PMFBP1: variants seen among roughly 807,000 people sequenced by gnomAD.
PMFBP1 encodes the protein polyamine-modulated factor 1-binding protein 1.
In PMFBP1, 131 loss-of-function variants were observed where a neutral mutation model predicts 137.8. The observed-to-expected ratio is 0.95, with a 90% confidence interval of 0.82 to 1.10. The LOEUF (loss-of-function observed/expected upper bound fraction) is 1.10, where lower values mean the gene tolerates loss of function less well. Among genes scored for constraint, PMFBP1 ranks in the 50% least tolerant of loss-of-function variants. The pLI is 0.00. For missense variants in PMFBP1, 1,199 were observed against 1,175.4 expected, an observed-to-expected ratio of 1.02 and a Z score of -0.29; for synonymous variants, 490 against 450.4, an observed-to-expected ratio of 1.09 and a Z score of -1.11.
chr16:72,196,530 C>T, the PMFBP1 span, among the ~76,000 whole-genome samples: 6 of 152,252 alleles, frequency 3.9e-5, no homozygotes, highest in Admixed American at 2.0e-4. Context: ...TCTAACCCTA[C>T]CATTTCACTC....
chr16:72,241,293 A>T, the PMFBP1 span, among the ~76,000 whole-genome samples: 24 of 152,330 alleles, frequency 1.6e-4, no homozygotes, highest in Admixed American at 3.3e-4. Flanking sequence ...CCCAGCTGTA[A>T]TGAGGATAGC....
chr16:72,172,520 C>A (rs550473195), upstream of PMFBP1: 5 of 150,132 alleles, frequency 3.3e-5, no homozygotes, highest in South Asian at 1.1e-3. Context: ...GTTCTTAAAG[C>A]GGAAGTGAAA....
chr16:72,188,402 A>G, the PMFBP1 span, among the ~76,000 whole-genome samples: 1 of 152,142 alleles, frequency 6.6e-6, no homozygotes, highest in Non-Finnish European at 1.5e-5. Context: ...GTGCTCCCTA[A>G]CCCTCTCCCT....
At chr16:72,156,364 A>G (rs949882628) in intron 3 of PMFBP1, among the ~76,000 whole-genome samples, 9 of 151,036 alleles carry the variant, frequency 6.0e-5, no homozygotes, top group African/African-American at 2.2e-4. Flanking sequence ...CACGCCTGTA[A>G]TCCCAGGACT....
chr16:72,213,602 C>T, the PMFBP1 span, among the ~76,000 whole-genome samples: 8 of 152,308 alleles, frequency 5.3e-5, no homozygotes, highest in Admixed American at 1.3e-4. Flanking sequence ...ACACCTTAAT[C>T]GCATCCTTGT....
At chr16:72,121,152 T>C (rs763748504) in intron 19 of PMFBP1, among the ~76,000 whole-genome samples, 21 of 152,122 alleles carry the variant, frequency 1.4e-4, no homozygotes, top group Non-Finnish European at 2.9e-4. Context: ...TAGTAAAAAG[T>C]TTCGTGGTCT....
intron 14 of PMFBP1, among the ~76,000 whole-genome samples, chr16:72,126,861 T>A (rs2042467621): frequency 6.6e-6 from 1 of 152,224 alleles, no homozygotes; most frequent in South Asian, 2.1e-4. Context: ...ATTTACTTAT[T>A]TCTCTAGCCT....
the PMFBP1 span, among the ~76,000 whole-genome samples, chr16:72,195,608 G>A: frequency 6.6e-6 from 1 of 152,194 alleles, no homozygotes; most frequent in Non-Finnish European, 1.5e-5. Context: ...TACATTCCAA[G>A]CTAAGTGAAA....
rs1567629267 is a variant in PMFBP1 at position 72,140,527 on chromosome 16, A to G, written c.692T>C (p.Met231Thr). 3.7e-6 allele frequency: 6 copies of G among 1,613,572 alleles called. No homozygotes were observed. The highest frequency in any genetic ancestry group is 5.1e-6 in the Non-Finnish European group (6 of 1,179,464). The change falls in exon 6 of 21, where the codon ATG becomes ACG. Residue 231 changes from methionine (M) to threonine (T), a missense_variant. Physicochemically the swap from Met to Thr is moderately conservative, Grantham distance 81. Transcript: ENST00000237353. ...CTGAGTCTCCTGATGCTCTTGAATCATGCAAGGAGAAGTGTATATCCGTAC... is the reference window on the plus strand; with the variant it reads ...CTGAGTCTCCTGATGCTCTTGAATCGTGCAAGGAGAAGTGTATATCCGTAC... ...SKVRIYTSPC[M>T]IQEHQETQKR...
upstream of PMFBP1, among the ~76,000 whole-genome samples, chr16:72,179,385 C>T (rs958941130): frequency 5.3e-5 from 8 of 152,256 alleles, no homozygotes; most frequent in African/African-American, 9.6e-5. Flanking sequence ...TTCTGTCAAA[C>T]GCCAGCTCAG....
chr16:72,182,022 G>A, the PMFBP1 span, among the ~76,000 whole-genome samples: 8 of 152,206 alleles, frequency 5.3e-5, no homozygotes, highest in Non-Finnish European at 1.0e-4. Flanking sequence ...ACGAAATTGT[G>A]TTGGGCCACA....
Position 72,126,034 on chromosome 16 carries a change from T to C in PMFBP1, c.2187A>G (p.Glu729=), listed in dbSNP as rs2042451387. ...KHYLQTTITK[E]AYDALSRKSA... is the part of the protein sequence containing the mutation. ...ACTTCCGGGATAATGCATCATAGGCTTCTTTGGTGATGGTAGTCTGGAGAT... is the reference window on the plus strand; with the variant it reads ...ACTTCCGGGATAATGCATCATAGGCCTCTTTGGTGATGGTAGTCTGGAGAT... The change falls in exon 15 of 21, where the codon GAA becomes GAG. Residue 729 remains glutamate, a synonymous_variant. Coordinates refer to ENST00000237353, the MANE Select transcript of PMFBP1 (RefSeq NM_031293.3). The C allele has an allele frequency of 1.2e-6, 2 of 1,614,070 alleles. No homozygotes were observed.
the PMFBP1 span, among the ~76,000 whole-genome samples, chr16:72,247,094 G>A: frequency 6.6e-6 from 1 of 152,204 alleles, no homozygotes; most frequent in African/African-American, 2.4e-5. Context: ...CCCCAGGATA[G>A]AAGGAATGCC....
intron 7 of PMFBP1, among the ~76,000 whole-genome samples, chr16:72,137,884 T>C (rs969841269): frequency 2.0e-5 from 3 of 151,806 alleles, no homozygotes; most frequent in Non-Finnish European, 4.4e-5. Flanking sequence ...GCTGGAGAGA[T>C]TCAGGGCAGC....
the PMFBP1 span, among the ~76,000 whole-genome samples, chr16:72,182,910 C>T: frequency 6.6e-6 from 1 of 152,158 alleles, no homozygotes; most frequent in Non-Finnish European, 1.5e-5. Flanking sequence ...CTCTCTTACC[C>T]TCTGCTCTCT....
At chr16:72,213,373 T>G in the PMFBP1 span, among the ~76,000 whole-genome samples, 1 of 152,186 alleles carries the variant, frequency 6.6e-6, no homozygotes, top group African/African-American at 2.4e-5. Context: ...TATGAGGATT[T>G]AAAAAGACTC....
chr16:72,225,049 C>T, the PMFBP1 span: 3 of 152,102 alleles, frequency 2.0e-5, no homozygotes, highest in Non-Finnish European at 4.4e-5. Context: ...TTAATGGTAC[C>T]TGTAGATGAA....
chr16:72,180,771 G>C (rs2043273381), upstream of PMFBP1, among the ~76,000 whole-genome samples: 1 of 152,162 alleles, frequency 6.6e-6, no homozygotes, highest in South Asian at 2.1e-4. Context: ...GCAGCAGTCT[G>C]GTGCTTTGTA....
chr16:72,133,109 G>T (rs940718939), intron 9 of PMFBP1, 118 bp from the exon 10 acceptor site: 3 of 1,187,128 alleles, frequency 2.5e-6, no homozygotes, highest in Non-Finnish European at 3.6e-6. Flanking sequence ...GACATTGCAC[G>T]AACCTCCCTG....
Sources: gnomAD v4.1 joint callset for allele counts (sites outside exome capture counted in the v4.1 genomes callset) on GRCh38, gnomAD v4.1.1 for gene constraint, MANE v1.5 for transcripts, NCBI Gene and HGNC (gene_info 2026-07-23, HGNC 2026-07-21) for gene names.